Variants in MYMX observed in about 807,000 individuals in gnomAD.
MYMX encodes myomixer, myoblast fusion factor.
upstream of MYMX, among the ~76,000 whole-genome samples, chr6:44,215,810 G>A (rs1035307654): frequency 1.2e-4 from 18 of 148,814 alleles, no homozygotes; most frequent in African/African-American, 3.7e-4. Context: ...CAGGAGAATC[G>A]CTTGAACCTG....
At chr6:44,215,410 C>A (rs368833001), upstream of MYMX, among the ~76,000 whole-genome samples, 1 of 151,476 alleles carries the variant, frequency 6.6e-6, no homozygotes, top group Admixed American at 6.6e-5. Flanking sequence ...CCTGTCTCTA[C>A]AAAATAAATT....
In MYMX at chr6:44,218,159, G is replaced by A. The variant is rs1414093739; in HGVS notation, c.*433G>A. 2.5e-5 allele frequency: 4 copies of A among 158,878 alleles called. No homozygotes were observed. The highest frequency in any genetic ancestry group is 5.5e-5 in the Non-Finnish European group (4 of 72,934). The allele number at this position is 158,878 out of a possible 1,614,324, so 9.8% of individuals were successfully genotyped here. A position where few individuals can be genotyped will look rare whatever the true frequency, so the allele number is the denominator to read the frequency against. ...GGACCTACCTTAAAATAATATCTGA[G>A]TTGCTTATGGAGGCAGACCTGCCTG... On this transcript the variant is annotated 3_prime_UTR_variant, in exon 2 of 2. Transcript: ENST00000573382.
chr6:44,210,237 G>T, the MYMX span, among the ~76,000 whole-genome samples: 1 of 151,488 alleles, frequency 6.6e-6, no homozygotes, highest in Non-Finnish European at 1.5e-5. Flanking sequence ...GAGCCACCGG[G>T]CCCGGCCAAT....
At chr6:44,206,093 C>T in the MYMX span, among the ~76,000 whole-genome samples, 3 of 151,362 alleles carry the variant, frequency 2.0e-5, no homozygotes, top group African/African-American at 7.3e-5. Flanking sequence ...CCTGCTAGCT[C>T]CAGTACTGCC....
chr6:44,204,685 C>T, the MYMX span, among the ~76,000 whole-genome samples: 1 of 152,272 alleles, frequency 6.6e-6, no homozygotes, highest in Admixed American at 6.5e-5. Flanking sequence ...ACTTTATTCA[C>T]CACCCATTTC....
At chr6:44,213,715 CG>C (rs1234786698), upstream of MYMX, among the ~76,000 whole-genome samples, 1 of 152,188 alleles carries the variant, frequency 6.6e-6, no homozygotes, top group Non-Finnish European at 1.5e-5. Context: ...CCACTGCACC[CG>C]GTCTCTAGTA....
At chr6:44,213,168 G>C (rs532464042), upstream of MYMX, among the ~76,000 whole-genome samples, 2 of 152,074 alleles carry the variant, frequency 1.3e-5, no homozygotes, top group East Asian at 3.9e-4. Context: ...GGTGGATCAC[G>C]AGGTCAAGAG....
the MYMX span, among the ~76,000 whole-genome samples, chr6:44,211,028 T>A: frequency 6.6e-6 from 1 of 152,160 alleles, no homozygotes; most frequent in Admixed American, 6.6e-5. Context: ...GGTGGGAGGA[T>A]CACTTGGGCC....
At chr6:44,195,257 G>A in the MYMX span, among the ~76,000 whole-genome samples, 7 of 152,262 alleles carry the variant, frequency 4.6e-5, no homozygotes, top group East Asian at 1.2e-3. Flanking sequence ...GACCTCAAGT[G>A]ATCTGCCCAC....
chr6:44,215,752 G>A (rs922579369), upstream of MYMX, among the ~76,000 whole-genome samples: 52 of 151,858 alleles, frequency 3.4e-4, no homozygotes, highest in Non-Finnish European at 5.7e-4. Context: ...AAAATTAGCC[G>A]GGCATCGTGG....
the MYMX span, among the ~76,000 whole-genome samples, chr6:44,197,897 TA>T: frequency 1.3e-5 from 2 of 152,110 alleles, no homozygotes; most frequent in Non-Finnish European, 2.9e-5. Flanking sequence ...CTATTGATTA[TA>T]AAAGTATGTT....
chr6:44,196,727 G>A, the MYMX span, among the ~76,000 whole-genome samples: 1 of 152,200 alleles, frequency 6.6e-6, no homozygotes, highest in Non-Finnish European at 1.5e-5. Context: ...GGGAGGCTGA[G>A]GTGGGCGGAT....
At chr6:44,201,051 C>T in the MYMX span, among the ~76,000 whole-genome samples, 3 of 152,204 alleles carry the variant, frequency 2.0e-5, no homozygotes, top group East Asian at 1.9e-4. Flanking sequence ...TCATGTCTTA[C>T]AGGCATATCC....
the MYMX span, among the ~76,000 whole-genome samples, chr6:44,202,282 G>A: frequency 2.6e-5 from 4 of 152,188 alleles, no homozygotes; most frequent in African/African-American, 9.6e-5. Flanking sequence ...TGTCTGGCCC[G>A]ATTAACTGAT....
At chr6:44,211,855 A>C in the MYMX span, among the ~76,000 whole-genome samples, 1 of 144,018 alleles carries the variant, frequency 6.9e-6, no homozygotes, top group Non-Finnish European at 1.5e-5. Flanking sequence ...CATGTTGGCC[A>C]GGCTGGTCTC....
the MYMX span, among the ~76,000 whole-genome samples, chr6:44,196,147 T>G: frequency 6.6e-6 from 1 of 152,146 alleles, no homozygotes; most frequent in African/African-American, 2.4e-5. Flanking sequence ...TTCACTATGT[T>G]GGCCAGGCTA....
the MYMX span, among the ~76,000 whole-genome samples, chr6:44,196,646 G>A: frequency 6.6e-6 from 1 of 151,964 alleles, no homozygotes; most frequent in Non-Finnish European, 1.5e-5. Flanking sequence ...CTGGGCTACA[G>A]AGTAAGGCTC....
chr6:44,205,098 A>T, the MYMX span, among the ~76,000 whole-genome samples: 950 of 152,210 alleles, frequency 6.2e-3, 7 homozygotes, highest in African/African-American at 0.021. Flanking sequence ...CTTTGAACAT[A>T]ACTGGGGGCT....
At chr6:44,203,272 C>A in the MYMX span, among the ~76,000 whole-genome samples, 1 of 152,168 alleles carries the variant, frequency 6.6e-6, no homozygotes, top group African/African-American at 2.4e-5. Flanking sequence ...CTGGGGCAAG[C>A]AAACCTGGGT....
Sources: allele counts gnomAD v4.1 joint callset (sites outside exome capture counted in the v4.1 genomes callset), GRCh38; gene constraint gnomAD v4.1.1; transcripts MANE v1.5; gene names NCBI Gene and HGNC (gene_info 2026-07-23, HGNC 2026-07-21).